The following PLAGL1 variants were observed in gnomAD, a reference collection of about 807,000 sequenced individuals.
The protein encoded by PLAGL1 is zinc finger protein PLAGL1.
A neutral mutation model predicts 4.6 loss-of-function variants in PLAGL1; 1 was observed. That is an observed-to-expected ratio of 0.22 (90% confidence interval 0.08 to 1.03). The LOEUF is 1.03. Among genes scored for constraint, PLAGL1 ranks in the 50% least tolerant of loss-of-function variants. The pLI is 0.58. For missense variants in PLAGL1, 464 were observed against 570.4 expected, an observed-to-expected ratio of 0.81 and a Z score of 1.90; for synonymous variants, 240 against 237.8, an observed-to-expected ratio of 1.01 and a Z score of -0.08.
chr6:144,060,901 GCTGA>G (rs372968201), intron 1 of PLAGL1, among the ~76,000 whole-genome samples: 5 of 152,198 alleles, frequency 3.3e-5, no homozygotes, highest in Middle Eastern at 3.2e-3. Context: ...AAACAATAAA[GCTGA>G]CTATTTCTCT....
rs1290239531 is a variant in PLAGL1 at position 144,016,699 on chromosome 6, T to C, written c.-150-47721A>G. ...AGAAGATTGCATTGGGGCTATGTATTTGTCATACTGCACTGAATGATACAC... is the reference window on the plus strand; with the variant it reads ...AGAAGATTGCATTGGGGCTATGTATCTGTCATACTGCACTGAATGATACAC... On this transcript the variant is annotated intron_variant, in intron 1 of 3. Coordinates refer to the PLAGL1 transcript ENST00000437412. The surrounding 1 kb of genome is among the most constrained non-coding windows in gnomAD (Gnocchi z 4.2). Among the ~76,000 whole-genome samples the C allele has an allele frequency of 6.6e-6, 1 of 152,208 alleles. No homozygotes were observed. The highest frequency in any genetic ancestry group is 1.5e-5 in the Non-Finnish European group (1 of 68,032).
chr6:143,993,451 G>A (rs532878231), intron 1 of PLAGL1, among the ~76,000 whole-genome samples: 2 of 151,316 alleles, frequency 1.3e-5, no homozygotes, highest in African/African-American at 2.4e-5. Context: ...AGAACTATCC[G>A]GTTTCCAGGA....
intron 1 of PLAGL1, among the ~76,000 whole-genome samples, chr6:144,026,672 CTTA>C (rs1407637170): frequency 6.6e-6 from 1 of 152,152 alleles, no homozygotes; most frequent in African/African-American, 2.4e-5. Flanking sequence ...AATTTCTTTG[CTTA>C]TTGTTTCAAG....
At position 143,955,240 on chromosome 6, in the gene PLAGL1, C is replaced by T. The variant is rs1223766340; in HGVS notation, c.-325+5229G>A. ...CTAGCGTAGAAGTTTACAACGTGTTCAAGAGGGAGGTGGTCTATTTCAGGC... is the reference window on the plus strand; with the variant it reads ...CTAGCGTAGAAGTTTACAACGTGTTTAAGAGGGAGGTGGTCTATTTCAGGC... On this transcript the variant is annotated intron_variant, in intron 6 of 7. Transcript: ENST00000674357. The surrounding 1 kb of genome is among the most constrained non-coding windows in gnomAD (Gnocchi z 4.9). 1.3e-5 allele frequency among the ~76,000 whole-genome samples: 2 copies of T among 152,074 alleles called. No individual in the cohort carries two copies. Among genetic ancestry groups the T allele is most frequent in the Non-Finnish European group, 1.5e-5 (1 of 68,006 alleles).
intron 1 of PLAGL1, among the ~76,000 whole-genome samples, chr6:144,060,973 C>T (rs1314450366): frequency 5.3e-5 from 8 of 152,222 alleles, no homozygotes; most frequent in Admixed American, 5.2e-4. Context: ...AAAGCTCTCC[C>T]ATATATGACT....
In PLAGL1 at chr6:144,059,224, C is replaced by T. The variant is rs184141685; in HGVS notation, c.-151+5244G>A. Among the ~76,000 whole-genome samples, 12 of 152,334 alleles carry T rather than the reference C, an allele frequency of 7.9e-5. No individual in the cohort carries two copies. Among genetic ancestry groups the T allele is most frequent in the Admixed American group, 2.0e-4 (3 of 15,310 alleles). On this transcript the variant is annotated intron_variant, in intron 1 of 3. Coordinates refer to the PLAGL1 transcript ENST00000437412. The surrounding 1 kb of genome is among the most constrained non-coding windows in gnomAD (Gnocchi z 4.9). Reference sequence around the variant, plus strand: ...ACCTTGCACTCCCCAAAGCCACAGCCGGAGCTCTACCTGGGGCCCTTTGAA... The same window carrying T: ...ACCTTGCACTCCCCAAAGCCACAGCTGGAGCTCTACCTGGGGCCCTTTGAA...
rs202109970 is a variant in PLAGL1, at chr6:143,985,919, A to G, written c.-583-745T>C. On this transcript the variant is annotated intron_variant, in intron 1 of 7. Coordinates refer to ENST00000674357, the MANE Select transcript of PLAGL1 (RefSeq NM_001317162.2). The surrounding 1 kb of genome is among the most constrained non-coding windows in gnomAD (Gnocchi z 4.4). ...ATTATGTGTGTGTGTGTGTGTGTGT[A>G]TACACACACATATATATAAAAGATA... 7.1e-5 allele frequency among the ~76,000 whole-genome samples: 8 copies of G among 112,556 alleles called. No individual in the cohort carries two copies. Among genetic ancestry groups the G allele is most frequent in the South Asian group, 5.9e-4 (2 of 3,400 alleles). 73.8% of individuals were successfully genotyped at this position (112,556 alleles called of 152,430 possible). A position where few individuals can be genotyped will look rare whatever the true frequency, so the allele number is the denominator to read the frequency against.
At chr6:144,054,045 T>C (rs1798764627) in intron 1 of PLAGL1, among the ~76,000 whole-genome samples, 1 of 152,246 alleles carries the variant, frequency 6.6e-6, no homozygotes, top group South Asian at 2.1e-4. Flanking sequence ...AACTTACTTA[T>C]GTCAAATGAC....
At position 143,941,832 on chromosome 6, in the gene PLAGL1, G is replaced by A. The variant is rs1250161616; in HGVS notation, c.984C>T (p.Ile328=). ...GCAGAGGCAAGTCCTCAAACAAACT[G>A]ATATTGCAAAAACCTTTAGTATCTG... ...LKADTKGFCN[I]SLFEDLPLQE... The change falls in exon 8 of 8, where the codon ATC becomes ATT. Residue 328 remains isoleucine, a synonymous_variant. Coordinates refer to ENST00000674357, the MANE Select transcript of PLAGL1 (RefSeq NM_001317162.2). The surrounding 1 kb of genome is among the most constrained non-coding windows in gnomAD (Gnocchi z 6.0). The A allele has an allele frequency of 1.2e-6, 2 of 1,614,194 alleles. No individual in the cohort carries two copies. Among genetic ancestry groups the A allele is most frequent in the Non-Finnish European group, 8.5e-7 (1 of 1,180,026 alleles).
chr6:143,946,177 C>G (rs546764180), intron 7 of PLAGL1, among the ~76,000 whole-genome samples: 1 of 152,344 alleles, frequency 6.6e-6, no homozygotes, highest in Non-Finnish European at 1.5e-5. Flanking sequence ...AAATACTGTA[C>G]TTTCAATCTG....
intron 1 of PLAGL1, among the ~76,000 whole-genome samples, chr6:144,032,284 C>CT (rs11288479): frequency 0.029 from 3,295 of 113,412 alleles, 69 homozygotes; most frequent in African/African-American, 0.045. Flanking sequence ...CCACACCTGG[C>CT]TTTTTTTTTT....
Position 143,996,093 on chromosome 6 carries a change from G to C in PLAGL1, c.-583-10919C>G, listed in dbSNP as rs80234749. 6.6e-4 allele frequency among the ~76,000 whole-genome samples: 100 copies of C among 152,216 alleles called. No individual in the cohort carries two copies. In the East Asian group the frequency reaches 0.01, roughly 16 times the overall value. On this transcript the variant is annotated intron_variant, in intron 1 of 7. Coordinates refer to ENST00000674357, the MANE Select transcript of PLAGL1 (RefSeq NM_001317162.2). ...CGTGCTTTAAATTTTCTTGATTTAG[G>C]GTCTCATTTTCTCTGAACTGTTATG...
In PLAGL1 at chr6:143,952,043, G is replaced by C. The variant is rs1184745705; in HGVS notation, c.-324-3583C>G. Among the ~76,000 whole-genome samples the C allele has an allele frequency of 6.6e-6, 1 of 152,002 alleles. No individual in the cohort carries two copies. Among genetic ancestry groups the C allele is most frequent in the African/African-American group, 2.4e-5 (1 of 41,366 alleles). ...TAATAATAAACTTCTGTAAAAACAA[G>C]ACTGTCTACCCCAACAGACTATAAA... is the stretch of plus-strand genomic sequence containing the variant. On this transcript the variant is annotated intron_variant, in intron 6 of 7. Coordinates refer to ENST00000674357, the MANE Select transcript of PLAGL1 (RefSeq NM_001317162.2). This position sits in a 1 kb window ranked among gnomAD's most constrained non-coding sequence, Gnocchi z 6.1.
intron 1 of PLAGL1, among the ~76,000 whole-genome samples, chr6:144,018,684 G>A (rs1026296199): frequency 2.0e-5 from 3 of 152,038 alleles, no homozygotes; most frequent in Non-Finnish European, 4.4e-5. Context: ...TAAAAGTGAT[G>A]TTCACTCTAA....
Position 143,941,957 on chromosome 6 carries a change from G to C in PLAGL1, c.859C>G (p.Pro287Ala), listed in dbSNP as rs1583008412. The C allele has an allele frequency of 1.1e-5, 17 of 1,600,762 alleles. No individual in the cohort carries two copies. Among genetic ancestry groups the C allele is most frequent in the African/African-American group, 1.3e-5 (1 of 74,744 alleles). ...PLPESLASLH[P>A]SVSPGSPPPP... ...GGAGGAGAGCCAGGGGATACCGAGGGGTGGAGGGAGGCCAGGGACTCTGGC... is the reference window on the plus strand; with the variant it reads ...GGAGGAGAGCCAGGGGATACCGAGGCGTGGAGGGAGGCCAGGGACTCTGGC... Residue 287 changes from proline to alanine, a missense_variant, in exon 8 of 8, where the codon CCC becomes GCC. This residue lies in a region of PLAGL1 where 248 missense variants were observed against 250.1 expected (regional missense o/e 0.99). Coordinates refer to ENST00000674357, the MANE Select transcript of PLAGL1 (RefSeq NM_001317162.2). This position sits in a 1 kb window ranked among gnomAD's most constrained non-coding sequence, Gnocchi z 6.0.
chr6:143,993,601 A>T (rs1052429310), intron 1 of PLAGL1, among the ~76,000 whole-genome samples: 4 of 152,208 alleles, frequency 2.6e-5, no homozygotes, highest in African/African-American at 7.2e-5. Flanking sequence ...TAAAAAAACT[A>T]AATTGTCTCA....
chr6:144,024,057 C>T (rs903779580), intron 1 of PLAGL1, among the ~76,000 whole-genome samples: 1 of 152,008 alleles, frequency 6.6e-6, no homozygotes, highest in Non-Finnish European at 1.5e-5. Context: ...GATTACAGGC[C>T]TCAGCCACTG....
chr6:143,976,972 C>T (rs1786688064), intron 2 of PLAGL1, among the ~76,000 whole-genome samples: 1 of 152,084 alleles, frequency 6.6e-6, no homozygotes, highest in African/African-American at 2.4e-5. Context: ...TCATTCAGTT[C>T]AAAATATTTT....
rs950011019 is a variant in PLAGL1 at position 144,063,955 on chromosome 6, C to G, written c.-151+513G>C. 1.3e-5 allele frequency among the ~76,000 whole-genome samples: 2 copies of G among 152,242 alleles called. No individual in the cohort carries two copies. Among genetic ancestry groups the G allele is most frequent in the Non-Finnish European group, 2.9e-5 (2 of 68,048 alleles). On this transcript the variant is annotated intron_variant, in intron 1 of 3. Coordinates refer to the PLAGL1 transcript ENST00000437412. The surrounding 1 kb of genome is among the most constrained non-coding windows in gnomAD (Gnocchi z 5.7). ...CTCGGTCACTTTGTTCCCATTAACT[C>G]AGTCTCTGGGAGACGGGCTAAGCTG...
Sources: gnomAD v4.1 joint callset for allele counts (sites outside exome capture counted in the v4.1 genomes callset) on GRCh38, gnomAD v4.1.1 for gene constraint, gnomAD v4.1.1 regional missense constraint, Gnocchi (gnomAD v3.1) non-coding constraint, MANE v1.5 for transcripts, NCBI Gene and HGNC (gene_info 2026-07-23, HGNC 2026-07-21) for gene names.